Variants in NBAS observed in about 807,000 individuals in gnomAD.
The protein encoded by NBAS is NBAS subunit of NRZ tethering complex.
A neutral mutation model predicts 302.5 loss-of-function variants in NBAS; 219 were observed. The ratio of observed to expected loss-of-function variants is 0.72; its 90% CI spans 0.65 to 0.81. The LOEUF (loss-of-function observed/expected upper bound fraction) is 0.81, where lower values mean the gene tolerates loss of function less well. Among genes scored for constraint, NBAS ranks in the 30% least tolerant of loss-of-function variants. The pLI is 0.00. For synonymous variants in NBAS, 1,118 were observed against 1,021.6 expected, an observed-to-expected ratio of 1.09 and a Z score of -1.80; for missense variants, 2,932 against 2,841.6, an observed-to-expected ratio of 1.03 and a Z score of -0.72.
At chr2:15,100,705 T>C in the NBAS span, among the ~76,000 whole-genome samples, 1 of 152,160 alleles carries the variant, frequency 6.6e-6, no homozygotes, top group African/African-American at 2.4e-5. Flanking sequence ...ATAAACACAT[T>C]AGATCTGACC....
At chr2:15,317,149 T>G (rs1671552732) in intron 38 of NBAS, among the ~76,000 whole-genome samples, 2 of 152,164 alleles carry the variant, frequency 1.3e-5, no homozygotes, top group East Asian at 3.8e-4. Context: ...GACCTACAGC[T>G]GAGGAACCTG....
At position 15,415,128 on chromosome 2, in the gene NBAS, T is replaced by C. The variant is rs140117726; in HGVS notation, c.2937+418A>G. Among the ~76,000 whole-genome samples the C allele has an allele frequency of 3.0e-3, 454 of 152,350 alleles. 5 individuals carry two copies. Among genetic ancestry groups the C allele is most frequent in the Admixed American group, 0.027 (417 of 15,308 alleles). On this transcript the variant is annotated intron_variant, in intron 25 of 51. Transcript: ENST00000281513. ...TTTTAATCCTGGTTTCTCTACTTACTGTGCAACCCTGGGCAATTACCCTAT... is the reference window on the plus strand; with the variant it reads ...TTTTAATCCTGGTTTCTCTACTTACCGTGCAACCCTGGGCAATTACCCTAT...
intron 35 of NBAS, among the ~76,000 whole-genome samples, chr2:15,343,742 A>C (rs1456751964): frequency 1.3e-5 from 2 of 151,998 alleles, no homozygotes; most frequent in Non-Finnish European, 2.9e-5. Flanking sequence ...TAAGCACTAA[A>C]AACTATAAAA....
At chr2:15,360,891 T>C (rs1045365338) in intron 32 of NBAS, among the ~76,000 whole-genome samples, 1 of 152,122 alleles carries the variant, frequency 6.6e-6, no homozygotes, top group Non-Finnish European at 1.5e-5. Context: ...TAAAGTTAAC[T>C]TTTTTCTTTT....
At chr2:14,978,964 T>C in the NBAS span, among the ~76,000 whole-genome samples, 1 of 152,216 alleles carries the variant, frequency 6.6e-6, no homozygotes, top group African/African-American at 2.4e-5. Flanking sequence ...AATAGAAGTT[T>C]CACTGGAGGT....
the NBAS span, among the ~76,000 whole-genome samples, chr2:15,040,499 G>GA: frequency 3.3e-5 from 5 of 152,212 alleles, no homozygotes; most frequent in South Asian, 4.2e-4. Context: ...GGCTCCGGAA[G>GA]AAAAAAATCA....
At chr2:15,514,553 A>G (rs1426109154) in intron 9 of NBAS, among the ~76,000 whole-genome samples, 4 of 152,036 alleles carry the variant, frequency 2.6e-5, no homozygotes, top group African/African-American at 9.7e-5. Context: ...TAACAATATC[A>G]CTACTTAAGA....
At chr2:15,477,936 T>C (rs1680259622) in intron 13 of NBAS, among the ~76,000 whole-genome samples, 1 of 149,208 alleles carries the variant, frequency 6.7e-6, no homozygotes, top group Admixed American at 6.7e-5. Context: ...TCAGTGTTTC[T>C]TCTTTGATGA....
chr2:15,174,752 T>C (rs1279997170), intron 51 of NBAS, among the ~76,000 whole-genome samples: 1 of 152,190 alleles, frequency 6.6e-6, no homozygotes, highest in East Asian at 1.9e-4. Flanking sequence ...GGTCTGGTGT[T>C]TACATTTCAG....
chr2:14,986,255 A>T, the NBAS span, among the ~76,000 whole-genome samples: 2 of 152,130 alleles, frequency 1.3e-5, no homozygotes, highest in Admixed American at 1.3e-4. Context: ...TTTTCAACTA[A>T]CTAAAAAGAT....
chr2:14,995,873 C>A, the NBAS span, among the ~76,000 whole-genome samples: 1 of 152,142 alleles, frequency 6.6e-6, no homozygotes, highest in Non-Finnish European at 1.5e-5. Flanking sequence ...ACCACCACGG[C>A]CAGTCTATTA....
the NBAS span, among the ~76,000 whole-genome samples, chr2:14,848,101 C>A: frequency 6.6e-6 from 1 of 150,858 alleles, no homozygotes; most frequent in South Asian, 2.1e-4. Context: ...GGAACAGCTC[C>A]AGTCTACAGC....
At chr2:14,946,559 T>G in the NBAS span, among the ~76,000 whole-genome samples, 1 of 152,024 alleles carries the variant, frequency 6.6e-6, no homozygotes, top group East Asian at 1.9e-4. Flanking sequence ...TAATAAAATC[T>G]AAAGGGAAAA....
At chr2:14,887,216 C>A in the NBAS span, among the ~76,000 whole-genome samples, 1 of 152,112 alleles carries the variant, frequency 6.6e-6, no homozygotes, top group South Asian at 2.1e-4. Flanking sequence ...CCAGCCTGGC[C>A]AACATGGTGC....
chr2:14,927,817 G>T, the NBAS span, among the ~76,000 whole-genome samples: 1 of 152,146 alleles, frequency 6.6e-6, no homozygotes, highest in African/African-American at 2.4e-5. Context: ...AGCACCTTTT[G>T]GGTGCTTATT....
the NBAS span, among the ~76,000 whole-genome samples, chr2:15,115,352 T>A: frequency 6.6e-6 from 1 of 152,206 alleles, no homozygotes; most frequent in African/African-American, 2.4e-5. Context: ...AGTTATTGAA[T>A]GTAAAACTTA....
chr2:15,402,249 T>A lies in NBAS; in HGVS notation c.2990A>T (p.Glu997Val). Residue 997 changes from glutamate to valine, a missense_variant, in exon 26 of 52, where the codon GAG (glutamate) becomes GTG (valine). Transcript: ENST00000281513. ...DQDQLMAIAL[E>V]CIYTCERNDQ... ...ATTTCGTTCACAGGTATAGATGCAC[T>A]CTAGTGCTATTGCCATCAGTTGGTC... 1 of 1,613,648 alleles carries A rather than the reference T, an allele frequency of 6.2e-7. No individual in the cohort carries two copies. The highest frequency in any genetic ancestry group is 1.1e-5 in the South Asian group (1 of 91,076).
At chr2:15,550,044 G>C (rs1297139171) in intron 6 of NBAS, among the ~76,000 whole-genome samples, 1 of 151,794 alleles carries the variant, frequency 6.6e-6, no homozygotes, top group East Asian at 1.9e-4. Flanking sequence ...CATGCCTGTG[G>C]TCCCAGCTAC....
At chr2:15,031,126 T>C in the NBAS span, among the ~76,000 whole-genome samples, 1 of 152,244 alleles carries the variant, frequency 6.6e-6, no homozygotes, top group East Asian at 1.9e-4. Context: ...TATAGCAATA[T>C]GCCAATCATT....
Sources: gnomAD v4.1 joint callset for allele counts (sites outside exome capture counted in the v4.1 genomes callset) on GRCh38, gnomAD v4.1.1 for gene constraint, MANE v1.5 for transcripts, NCBI Gene and HGNC (gene_info 2026-07-23, HGNC 2026-07-21) for gene names.